Variants in TAS2R1 observed in about 807,000 individuals in gnomAD.
TAS2R1 encodes taste receptor type 2 member 1.
For synonymous variants in TAS2R1, 141 were observed against 134.2 expected (o/e 1.05, Z -0.35); for missense variants, 370 against 353.4 (o/e 1.05, Z -0.38).
At chr5:9,848,671 A>G in the TAS2R1 span, among the ~76,000 whole-genome samples, 1 of 152,218 alleles carries the variant, frequency 6.6e-6, no homozygotes, top group Non-Finnish European at 1.5e-5. Flanking sequence ...CAATGTCTAC[A>G]TATATGAAAA....
the TAS2R1 span, among the ~76,000 whole-genome samples, chr5:9,825,867 G>A: frequency 6.6e-6 from 1 of 151,986 alleles, no homozygotes; most frequent in African/African-American, 2.4e-5. Flanking sequence ...TTGCTTTCTG[G>A]CACAACAAGC....
At chr5:9,631,435 T>C (rs921578166), upstream of TAS2R1, among the ~76,000 whole-genome samples, 7 of 152,016 alleles carry the variant, frequency 4.6e-5, no homozygotes, top group South Asian at 1.5e-3. Context: ...AGATATGGAG[T>C]CTTGCTACAT....
intron 1 of TAS2R1, among the ~76,000 whole-genome samples, chr5:9,661,240 A>G (rs1393232): frequency 0.13 from 20,070 of 152,224 alleles, 1,444 homozygotes; most frequent in South Asian, 0.18. Flanking sequence ...GCCTCTTAGC[A>G]TGAACTCCAG....
At chr5:9,832,160 T>C in the TAS2R1 span, among the ~76,000 whole-genome samples, 1 of 152,228 alleles carries the variant, frequency 6.6e-6, no homozygotes, top group Non-Finnish European at 1.5e-5. Context: ...ATGTTAAACA[T>C]AAGGATCAAT....
upstream of TAS2R1, chr5:9,713,654 TGTA>T (rs1345193127): frequency 6.6e-5 from 10 of 152,336 alleles, no homozygotes; most frequent in South Asian, 2.1e-3. Flanking sequence ...CCATTTCTTT[TGTA>T]GTTTAATAAC....
the TAS2R1 span, among the ~76,000 whole-genome samples, chr5:9,897,135 T>TAAAAC: frequency 6.6e-6 from 1 of 152,138 alleles, no homozygotes; most frequent in Non-Finnish European, 1.5e-5. Context: ...GAGGTTTTCT[T>TAAAAC]AAAACAAAAC....
the TAS2R1 span, among the ~76,000 whole-genome samples, chr5:9,873,547 T>A: frequency 7.9e-5 from 12 of 151,024 alleles, no homozygotes; most frequent in African/African-American, 2.9e-4. Context: ...GAGTGGGAGA[T>A]TAGGAATAGA....
At chr5:9,885,511 C>T in the TAS2R1 span, among the ~76,000 whole-genome samples, 1 of 152,164 alleles carries the variant, frequency 6.6e-6, no homozygotes, top group African/African-American at 2.4e-5. Context: ...CTAATTGACT[C>T]TGATCAAACA....
chr5:9,703,860 T>C (rs948234649), intron 1 of TAS2R1, among the ~76,000 whole-genome samples: 2 of 152,220 alleles, frequency 1.3e-5, no homozygotes, highest in African/African-American at 4.8e-5. Flanking sequence ...GCATAGCTGC[T>C]CTTTTAACTA....
At chr5:9,708,877 C>T (rs1741675966) in intron 1 of TAS2R1, among the ~76,000 whole-genome samples, 2 of 152,080 alleles carry the variant, frequency 1.3e-5, no homozygotes, top group African/African-American at 4.8e-5. Context: ...CTGTCTGTTC[C>T]CCAACTCAGC....
At chr5:9,758,591 T>C in the TAS2R1 span, among the ~76,000 whole-genome samples, 3 of 152,178 alleles carry the variant, frequency 2.0e-5, no homozygotes, top group African/African-American at 7.2e-5. Context: ...TTGAAGATAA[T>C]AGAACCATAT....
intron 1 of TAS2R1, among the ~76,000 whole-genome samples, chr5:9,695,084 T>C (rs1305042601): frequency 6.6e-6 from 1 of 152,214 alleles, no homozygotes; most frequent in Non-Finnish European, 1.5e-5. Context: ...ACATGACTTC[T>C]ATCTAAAAAG....
At chr5:9,774,668 C>T in the TAS2R1 span, among the ~76,000 whole-genome samples, 41 of 152,354 alleles carry the variant, frequency 2.7e-4, no homozygotes, top group South Asian at 7.7e-3. Context: ...AGCCTAATAA[C>T]GTTGTGGTTC....
At chr5:9,766,509 C>T in the TAS2R1 span, among the ~76,000 whole-genome samples, 5 of 152,204 alleles carry the variant, frequency 3.3e-5, no homozygotes, top group Admixed American at 3.3e-4. Context: ...CTGCCTGGGG[C>T]AGTTCTGAGT....
intron 1 of TAS2R1, among the ~76,000 whole-genome samples, chr5:9,661,748 A>C (rs1740535189): frequency 6.6e-6 from 1 of 152,226 alleles, no homozygotes; most frequent in Non-Finnish European, 1.5e-5. Context: ...ATAAGAACTA[A>C]TTTGATGTAT....
At chr5:9,672,979 C>T (rs749521092) in intron 1 of TAS2R1, among the ~76,000 whole-genome samples, 2 of 152,106 alleles carry the variant, frequency 1.3e-5, no homozygotes, top group Non-Finnish European at 2.9e-5. Flanking sequence ...AGAATAAGAT[C>T]ATGTCCTTTG....
At chr5:9,701,949 G>A (rs1431821070) in intron 1 of TAS2R1, among the ~76,000 whole-genome samples, 4 of 152,106 alleles carry the variant, frequency 2.6e-5, no homozygotes, top group African/African-American at 9.7e-5. Flanking sequence ...TGATGTACAG[G>A]GGCAAAACTG....
the TAS2R1 span, among the ~76,000 whole-genome samples, chr5:9,801,152 T>C: frequency 1.3e-5 from 2 of 152,188 alleles, no homozygotes; most frequent in African/African-American, 2.4e-5. Context: ...GATCACACTA[T>C]TGCATTCCAG....
chr5:9,704,513 C>T (rs767700915), intron 1 of TAS2R1, among the ~76,000 whole-genome samples: 5 of 152,000 alleles, frequency 3.3e-5, no homozygotes, highest in Non-Finnish European at 5.9e-5. Context: ...AGGCAGTTCA[C>T]GATGAAGAAA....
Sources: gnomAD v4.1 joint callset for allele counts (sites outside exome capture counted in the v4.1 genomes callset) on GRCh38, gnomAD v4.1.1 for gene constraint, MANE v1.5 for transcripts, NCBI Gene and HGNC (gene_info 2026-07-23, HGNC 2026-07-21) for gene names.